PTPRK: variants seen among roughly 807,000 people sequenced by gnomAD.
PTPRK encodes receptor-type tyrosine-protein phosphatase kappa.
A neutral mutation model predicts 178.0 loss-of-function variants in PTPRK; 75 were observed. The ratio of observed to expected loss-of-function variants is 0.42; its 90% CI spans 0.35 to 0.51. The LOEUF (loss-of-function observed/expected upper bound fraction) is 0.51, where lower values mean the gene tolerates loss of function less well. PTPRK is among the 20% of genes least tolerant of loss of function. The pLI, the probability that PTPRK is intolerant of heterozygous loss-of-function variation, is 0.02. For missense variants in PTPRK, 1,441 were observed against 1,797.8 expected, an observed-to-expected ratio of 0.80 and a Z score of 3.59; for synonymous variants, 637 against 620.6, an observed-to-expected ratio of 1.03 and a Z score of -0.39.
intron 11 of PTPRK, among the ~76,000 whole-genome samples, chr6:128,070,100 T>C (rs1782560711): frequency 6.6e-6 from 1 of 152,150 alleles, no homozygotes; most frequent in South Asian, 2.1e-4. Context: ...TATACAAATA[T>C]AAATTACAGT....
At chr6:128,008,795 C>T (rs1399159334) in intron 14 of PTPRK, among the ~76,000 whole-genome samples, 3 of 150,944 alleles carry the variant, frequency 2.0e-5, no homozygotes, top group Admixed American at 6.6e-5. Flanking sequence ...CCAAGTATCA[C>T]AATAAATCCA....
At chr6:128,351,730 TA>T (rs1283134054) in intron 2 of PTPRK, among the ~76,000 whole-genome samples, 2 of 152,080 alleles carry the variant, frequency 1.3e-5, no homozygotes, top group Non-Finnish European at 2.9e-5. Flanking sequence ...AAATAAAAGC[TA>T]AATATCATAG....
intron 3 of PTPRK, among the ~76,000 whole-genome samples, chr6:128,301,411 T>C (rs80218940): frequency 1.3e-5 from 2 of 152,116 alleles, no homozygotes; most frequent in Non-Finnish European, 2.9e-5. Flanking sequence ...ATCACATTGG[T>C]GTGTTGGTAA....
At chr6:127,995,570 T>G in intron 17 of PTPRK, 32 bp from the exon 18 acceptor site, 3 of 1,346,980 alleles carry the variant, frequency 2.2e-6, no homozygotes, top group Non-Finnish European at 3.1e-6. Context: ...TATAAGCTGT[T>G]AAATTTTCCC....
intron 2 of PTPRK, among the ~76,000 whole-genome samples, chr6:128,390,126 A>T (rs1229145938): frequency 6.6e-6 from 1 of 152,122 alleles, no homozygotes; most frequent in Non-Finnish European, 1.5e-5. Flanking sequence ...TAAGCCCATA[A>T]TTCTCATCCT....
At position 128,379,319 on chromosome 6, in the gene PTPRK, T is replaced by C. The variant is rs79696088; in HGVS notation, c.223+18247A>G. Among the ~76,000 whole-genome samples, 216 of 152,266 alleles carry C rather than the reference T, an allele frequency of 1.4e-3. 5 individuals carry two copies. In the East Asian group the frequency reaches 0.04, roughly 28 times the overall value. On this transcript the variant is annotated intron_variant, in intron 2 of 29. Transcript: ENST00000368226. Reference sequence around the variant, plus strand: ...CCATGAACCATGTGATTGAGTCTCATTCTTTGAGATATTGACTAGTAAAAT... The same window carrying C: ...CCATGAACCATGTGATTGAGTCTCACTCTTTGAGATATTGACTAGTAAAAT...
At chr6:128,124,420 T>C (rs1030144375) in intron 7 of PTPRK, among the ~76,000 whole-genome samples, 1 of 152,166 alleles carries the variant, frequency 6.6e-6, no homozygotes, top group South Asian at 2.1e-4. Context: ...ACACATTAGA[T>C]ATTACATAAG....
chr6:128,369,139 T>TTATCCTGAAAGTACATTTATACACTGA (rs11275324), intron 2 of PTPRK, among the ~76,000 whole-genome samples: 147,364 of 151,914 alleles, frequency 0.97, 71,612 homozygotes, highest in East Asian at 1. Flanking sequence ...GGGAAAGAGG[T>TTATCCTGAAAGTACATTTATACACTGA]TATTTCCCCA....
chr6:128,144,228 G>C (rs531220133), intron 7 of PTPRK, among the ~76,000 whole-genome samples: 1 of 152,092 alleles, frequency 6.6e-6, no homozygotes, highest in Non-Finnish European at 1.5e-5. Flanking sequence ...AATTGAGTGT[G>C]AGCCTAAACT....
At chr6:128,026,437 AC>A (rs1774319055) in intron 13 of PTPRK, among the ~76,000 whole-genome samples, 1 of 152,210 alleles carries the variant, frequency 6.6e-6, no homozygotes, top group Admixed American at 6.5e-5. Flanking sequence ...CACTCCAGGT[AC>A]CAAGAAAAAC....
intron 1 of PTPRK, among the ~76,000 whole-genome samples, chr6:128,511,042 T>C (rs1247219928): frequency 1.3e-5 from 2 of 152,174 alleles, no homozygotes; most frequent in Non-Finnish European, 2.9e-5. Flanking sequence ...AAATTTTTAA[T>C]GTTAGACTAA....
At position 128,261,812 on chromosome 6, in the gene PTPRK, T is replaced by A. The variant is rs114412601; in HGVS notation, c.496-19210A>T. 6.9e-3 allele frequency among the ~76,000 whole-genome samples: 1,055 copies of A among 152,278 alleles called. 13 individuals carry two copies. Among genetic ancestry groups the A allele is most frequent in the African/African-American group, 0.024 (1,001 of 41,572 alleles). ...TGGGCAATAGCTTTTGGAGCTATAT[T>A]AACAGTTAAAAGCAAAAAGAAGCAA... is the stretch of plus-strand genomic sequence containing the variant. On this transcript the variant is annotated intron_variant, in intron 3 of 29. Transcript: ENST00000368226.
intron 7 of PTPRK, among the ~76,000 whole-genome samples, chr6:128,118,397 C>A (rs368280763): frequency 6.6e-6 from 1 of 152,100 alleles, no homozygotes; most frequent in African/African-American, 2.4e-5. Flanking sequence ...AAATACAGGA[C>A]GTAGAATTCA....
intron 3 of PTPRK, among the ~76,000 whole-genome samples, chr6:128,280,789 G>A (rs1195453837): frequency 6.6e-6 from 1 of 152,018 alleles, no homozygotes; most frequent in African/African-American, 2.4e-5. Flanking sequence ...ATATGTTAGA[G>A]CACACACAGT....
intron 11 of PTPRK, among the ~76,000 whole-genome samples, chr6:128,077,499 C>A (rs1048605094): frequency 2.0e-5 from 3 of 151,936 alleles, no homozygotes; most frequent in African/African-American, 7.2e-5. Flanking sequence ...AATATTTCTT[C>A]ATTTCCAGTG....
At chr6:128,392,969 G>C (rs542280294) in intron 2 of PTPRK, among the ~76,000 whole-genome samples, 86 of 151,234 alleles carry the variant, frequency 5.7e-4, no homozygotes, top group Non-Finnish European at 1.2e-3. Context: ...AAAACATCTT[G>C]TTTAATTCTT....
In PTPRK at chr6:128,343,361, G is replaced by A. The variant is rs555087809; in HGVS notation, c.224-21051C>T. Among the ~76,000 whole-genome samples, 30 of 151,892 alleles carry A rather than the reference G, an allele frequency of 2.0e-4. 1 individual carries two copies. The highest frequency in any genetic ancestry group is 3.4e-3 in the Middle Eastern group (1 of 294). On this transcript the variant is annotated intron_variant, in intron 2 of 29. Coordinates refer to ENST00000368226, the MANE Select transcript of PTPRK (RefSeq NM_002844.4). ...CTAAAAATACAAAAATTAGCTGGGC[G>A]TGGCAGTGGGTGCCTATAATCCCAG...
At chr6:128,149,173 G>C (rs148788716) in intron 7 of PTPRK, among the ~76,000 whole-genome samples, 1 of 116,892 alleles carries the variant, frequency 8.6e-6, no homozygotes, top group Non-Finnish European at 1.7e-5. Context: ...TCGTGGGGTG[G>C]GGGGAGGGGG....
At chr6:128,224,489 C>T (rs1275223809) in intron 5 of PTPRK, among the ~76,000 whole-genome samples, 1 of 152,172 alleles carries the variant, frequency 6.6e-6, no homozygotes, top group Non-Finnish European at 1.5e-5. Flanking sequence ...AACCAAACAC[C>T]TTGCCATGTG....
Sources: gnomAD v4.1 joint callset for allele counts (sites outside exome capture counted in the v4.1 genomes callset) on GRCh38, gnomAD v4.1.1 for gene constraint, MANE v1.5 for transcripts, NCBI Gene and HGNC (gene_info 2026-07-23, HGNC 2026-07-21) for gene names.